The following ZNF607 variants were observed in gnomAD, a reference collection of about 807,000 sequenced individuals.
ZNF607 encodes the protein zinc finger protein 607.
Under a neutral mutation model 12.8 loss-of-function variants are expected in ZNF607, and 5 were observed. That is an observed-to-expected ratio of 0.39 (90% CI 0.20 to 0.82). The LOEUF (loss-of-function observed/expected upper bound fraction) is 0.82. Among genes scored for constraint, ZNF607 ranks in the 40% least tolerant of loss-of-function variants. The pLI is 0.39. For synonymous variants in ZNF607, 287 were observed against 276.2 expected, an observed-to-expected ratio of 1.04 and a Z score of -0.39; for missense variants, 851 against 859.2, an observed-to-expected ratio of 0.99 and a Z score of 0.12.
intron 4 of ZNF607, among the ~76,000 whole-genome samples, chr19:37,707,350 G>C (rs1156553236): frequency 6.6e-6 from 1 of 152,080 alleles, no homozygotes; most frequent in African/African-American, 2.4e-5. Context: ...AATTAGCTGG[G>C]TGTGGTGGTG....
At chr19:37,706,093 C>T (rs562130532) in intron 4 of ZNF607, among the ~76,000 whole-genome samples, 3 of 151,918 alleles carry the variant, frequency 2.0e-5, no homozygotes, top group African/African-American at 7.3e-5. Context: ...GCTCGAGAGG[C>T]GGAGGCAGGA....
At chr19:37,704,771 C>G (rs2045066525) in intron 4 of ZNF607, among the ~76,000 whole-genome samples, 3 of 152,194 alleles carry the variant, frequency 2.0e-5, no homozygotes, top group Non-Finnish European at 2.9e-5. Flanking sequence ...TCCTGGCTAA[C>G]ACGGTGAAAC....
chr19:37,699,784 C>T lies in ZNF607; in HGVS notation c.347G>A (p.Cys116Tyr). ...ACTAAAGGACTTCTGACATTGCTTACACTCATATGGTTTCTGTCCATTATG... is the reference window on the plus strand; with the variant it reads ...ACTAAAGGACTTCTGACATTGCTTATACTCATATGGTTTCTGTCCATTATG... ...RIHNGQKPYECKQCQKSFSHL... is the reference protein window; with the variant it reads ...RIHNGQKPYEYKQCQKSFSHL... The change falls in exon 5 of 5, where the codon TGT (cysteine) becomes TAT (tyrosine). Residue 116 changes from cysteine (C) to tyrosine (Y), a missense_variant. Cys to Tyr is a radical substitution (Grantham distance 194). Coordinates refer to ENST00000355202, the MANE Select transcript of ZNF607 (RefSeq NM_032689.5). 6.2e-7 allele frequency: 1 copy of T among 1,614,054 alleles called. No homozygotes were observed. The highest frequency in any genetic ancestry group is 8.5e-7 in the Non-Finnish European group (1 of 1,179,986).
chr19:37,717,731 G>A (rs1313874832), intron 1 of ZNF607, among the ~76,000 whole-genome samples: 20 of 149,066 alleles, frequency 1.3e-4, no homozygotes, highest in Admixed American at 1.1e-3. Context: ...GCTTGAACCC[G>A]GGAGGCGGAG....
chr19:37,714,148 G>A (rs2045154533), intron 1 of ZNF607, among the ~76,000 whole-genome samples: 1 of 151,806 alleles, frequency 6.6e-6, no homozygotes, highest in Non-Finnish European at 1.5e-5. Flanking sequence ...GTGAAACCCC[G>A]TCTCTACTAA....
intron 2 of ZNF607, among the ~76,000 whole-genome samples, chr19:37,710,811 G>T (rs7253081): frequency 0.52 from 79,427 of 152,052 alleles, 21,627 homozygotes; most frequent in Middle Eastern, 0.66. Context: ...ACTTGGAAGA[G>T]AATTTAAACT....
intron 3 of ZNF607, among the ~76,000 whole-genome samples, chr19:37,709,027 G>A (rs1249383578): frequency 6.6e-6 from 1 of 151,998 alleles, no homozygotes; most frequent in African/African-American, 2.4e-5. Flanking sequence ...GAAAAATGTT[G>A]GTGTGGAAAT....
At chr19:37,715,757 A>G (rs1269856269) in intron 1 of ZNF607, among the ~76,000 whole-genome samples, 1 of 152,182 alleles carries the variant, frequency 6.6e-6, no homozygotes, top group Non-Finnish European at 1.5e-5. Context: ...TATTAAGGAG[A>G]GTGAATCTTA....
Position 37,696,847 on chromosome 19 carries a change from T to TG in ZNF607, c.*1192dup. ...CACAAATCTGGCGCTCTCTGCTTCC[T>TG]GGGGGGCCACCTGTCTGTTAACTCC... On this transcript the variant is annotated 3_prime_UTR_variant, in exon 5 of 5. Transcript: ENST00000355202. 3 of 835,082 alleles carry TG rather than the reference T, an allele frequency of 3.6e-6. No individual in the cohort carries two copies. The highest frequency in any genetic ancestry group is 6.0e-6 in the Non-Finnish European group (3 of 497,872). The allele number at this position is 835,082 out of a possible 1,614,324, so 51.7% of individuals were successfully genotyped here. A position where few individuals can be genotyped will look rare whatever the true frequency, so the allele number is the denominator to read the frequency against.
At chr19:37,705,251 C>A (rs2045071621) in intron 4 of ZNF607, among the ~76,000 whole-genome samples, 1 of 152,160 alleles carries the variant, frequency 6.6e-6, no homozygotes, top group Non-Finnish European at 1.5e-5. Flanking sequence ...GTATTATGAA[C>A]AACCCCATGC....
intron 4 of ZNF607, among the ~76,000 whole-genome samples, chr19:37,703,796 A>C (rs1262946634): frequency 6.6e-6 from 1 of 152,224 alleles, no homozygotes. Flanking sequence ...AAAGTACATA[A>C]AACAACAACT....
At position 37,698,141 on chromosome 19, in the gene ZNF607, G is replaced by A; in HGVS notation, c.1990C>T (p.His664Tyr). 4.3e-6 allele frequency: 7 copies of A among 1,613,972 alleles called. No individual in the cohort carries two copies. Among genetic ancestry groups the A allele is most frequent in the Non-Finnish European group, 5.1e-6 (6 of 1,179,916 alleles). Residue 664 changes from histidine (H) to tyrosine (Y), a missense_variant, in exon 5 of 5, where the codon CAT (histidine) becomes TAT (tyrosine). Coordinates refer to ENST00000355202, the MANE Select transcript of ZNF607 (RefSeq NM_032689.5). ...FNSSHELSIH[H>Y]RVHTGEKPFK... ...GGTTTCTCACCAGTATGAACTCTAT[G>A]ATGTATACTAAGTTCATGGCTACTA...
intron 2 of ZNF607, 149 bp downstream of exon 2, chr19:37,711,461 G>T: frequency 2.6e-6 from 2 of 783,560 alleles, no homozygotes; most frequent in Admixed American, 2.0e-5. Flanking sequence ...TGGGTGATGT[G>T]GTACATATTT....
chr19:37,699,941 A>G, intron 4 of ZNF607, 46 bp from the exon 5 acceptor site: 1 of 1,396,324 alleles, frequency 7.2e-7, no homozygotes, highest in Non-Finnish European at 9.5e-7. Context: ...AGAAAATGTC[A>G]ATGTTATTGT....
chr19:37,711,015 TTTTG>T (rs2045128717), intron 2 of ZNF607, among the ~76,000 whole-genome samples: 1 of 152,226 alleles, frequency 6.6e-6, no homozygotes, highest in East Asian at 1.9e-4. Flanking sequence ...CCATGAGCAT[TTTTG>T]TTTGTTTTGA....
rs951106960 is a variant in ZNF607, at chr19:37,697,039, T to C, written c.*1001A>G. 6 of 731,364 alleles carry C rather than the reference T, an allele frequency of 8.2e-6. No individual in the cohort carries two copies. Among genetic ancestry groups the C allele is most frequent in the African/African-American group, 6.9e-5 (4 of 57,986 alleles). The allele number at this position is 731,364 out of a possible 1,614,324, so 45.3% of individuals were successfully genotyped here. On this transcript the variant is annotated 3_prime_UTR_variant, in exon 5 of 5. Coordinates refer to ENST00000355202, the MANE Select transcript of ZNF607 (RefSeq NM_032689.5). ...AGTGACTTGAGGATCTCCGTGGTAA[T>C]GAACGGCAGCACACACTCATCGTAG...
chr19:37,706,482 A>G (rs1443185772), intron 4 of ZNF607: 1 of 152,098 alleles, frequency 6.6e-6, no homozygotes, highest in Non-Finnish European at 1.5e-5. Context: ...TCCAGTCTTT[A>G]TTTATGTCTT....
intron 1 of ZNF607, among the ~76,000 whole-genome samples, chr19:37,712,613 A>G (rs1178838179): frequency 6.6e-6 from 1 of 152,224 alleles, no homozygotes; most frequent in Non-Finnish European, 1.5e-5. Flanking sequence ...AGGAAAAGTA[A>G]ATAAACCTTT....
intron 3 of ZNF607, among the ~76,000 whole-genome samples, 185 bp from the exon 4 acceptor site, chr19:37,708,197 A>T (rs994389139): frequency 1.5e-4 from 21 of 141,224 alleles, no homozygotes; most frequent in South Asian, 2.3e-4. Flanking sequence ...TTCAAAAAAA[A>T]TTTTTTTTTT....
Sources: allele counts gnomAD v4.1 joint callset (sites outside exome capture counted in the v4.1 genomes callset), GRCh38; gene constraint gnomAD v4.1.1; transcripts MANE v1.5; gene names NCBI Gene and HGNC (gene_info 2026-07-23, HGNC 2026-07-21).